C1orf21: variants seen among roughly 807,000 people sequenced by gnomAD.
The protein encoded by C1orf21 is chromosome 1 open reading frame 21.
A neutral mutation model predicts 18.7 loss-of-function variants in C1orf21; 3 were observed. The observed-to-expected ratio is 0.16, with a 90% confidence interval of 0.07 to 0.42. The LOEUF (loss-of-function observed/expected upper bound fraction) is 0.42, where lower values mean the gene tolerates loss of function less well. Among genes scored for constraint, C1orf21 ranks in the 10% least tolerant of loss-of-function variants. The probability of loss-of-function intolerance (pLI) is 0.99; values close to 1 mark genes in which losing one functional copy is unlikely to be tolerated. For missense variants in C1orf21, 104 were observed against 143.6 expected (o/e 0.72, Z 1.41); for synonymous variants, 41 against 46.4 (o/e 0.88, Z 0.47).
chr1:184,412,611 T>C (rs1461759277), intron 1 of C1orf21, among the ~76,000 whole-genome samples: 2 of 151,958 alleles, frequency 1.3e-5, no homozygotes, highest in East Asian at 3.9e-4. Flanking sequence ...GATTCTGTTA[T>C]AGCCTGGGCA....
At chr1:184,494,814 C>G (rs1437619317) in intron 2 of C1orf21, among the ~76,000 whole-genome samples, 1 of 149,094 alleles carries the variant, frequency 6.7e-6, no homozygotes, top group Non-Finnish European at 1.5e-5. Context: ...TTAATAGGGT[C>G]AAAATTCTAC....
chr1:184,428,887 T>C lies in C1orf21; in HGVS notation c.-125+41519T>C, dbSNP rs145865976. Among the ~76,000 whole-genome samples, 8 of 152,258 alleles carry C rather than the reference T, an allele frequency of 5.3e-5. No individual in the cohort carries two copies. The East Asian group carries it at 1.5e-3, about 29-fold the overall frequency. On this transcript the variant is annotated intron_variant, in intron 1 of 5. Coordinates refer to ENST00000235307, the MANE Select transcript of C1orf21 (RefSeq NM_030806.4). Reference sequence around the variant, plus strand: ...GGGAGTGATGACATCTCTGCATTGCTATTAAGGACTTGCCAAATAAAAGGA... The same window carrying C: ...GGGAGTGATGACATCTCTGCATTGCCATTAAGGACTTGCCAAATAAAAGGA...
intron 2 of C1orf21, among the ~76,000 whole-genome samples, chr1:184,502,737 T>A (rs1393505168): frequency 6.6e-6 from 1 of 152,140 alleles, no homozygotes; most frequent in East Asian, 1.9e-4. Flanking sequence ...CTTAAAGACA[T>A]AATTTTCCTG....
rs746110303 is a variant in C1orf21, at chr1:184,477,557, G to A, written c.48G>A (p.Glu16=). 6.2e-7 allele frequency: 1 copy of A among 1,613,998 alleles called. No homozygotes were observed. The highest frequency in any genetic ancestry group is 8.5e-7 in the Non-Finnish European group (1 of 1,179,920). The stretch of plus-strand genomic sequence containing the variant: ...ATGTTGCCACTGTTCAAAATGAAGA[G>A]GAAGCCCAGAAAGGGAAAAACTACC... ...AKHVATVQNE[E]EAQKGKNYQN... Residue 16 remains glutamate, a synonymous_variant, in exon 2 of 6, where the codon GAG becomes GAA. Transcript: ENST00000235307.
chr1:184,490,929 G>GAA (rs199789528), intron 2 of C1orf21, among the ~76,000 whole-genome samples: 1 of 141,700 alleles, frequency 7.1e-6, no homozygotes. Context: ...GAAGTTTTGT[G>GAA]AAAAAAAAAA....
chr1:184,554,255 A>G (rs1284866020), intron 3 of C1orf21, among the ~76,000 whole-genome samples: 1 of 152,150 alleles, frequency 6.6e-6, no homozygotes, highest in Non-Finnish European at 1.5e-5. Flanking sequence ...ATATAGTTTG[A>G]ATGTATTTGA....
At chr1:184,558,953 G>A (rs1460204713) in intron 3 of C1orf21, among the ~76,000 whole-genome samples, 1 of 152,178 alleles carries the variant, frequency 6.6e-6, no homozygotes, top group Non-Finnish European at 1.5e-5. Context: ...AGACTGACAA[G>A]GTATGAGTCC....
intron 3 of C1orf21, among the ~76,000 whole-genome samples, chr1:184,572,265 A>G (rs1362168599): frequency 6.6e-6 from 1 of 152,250 alleles, no homozygotes; most frequent in East Asian, 1.9e-4. Context: ...GTAAGGAACA[A>G]ATTAAGCATG....
chr1:184,494,794 G>C (rs1191708499), intron 2 of C1orf21, among the ~76,000 whole-genome samples: 1 of 151,728 alleles, frequency 6.6e-6, no homozygotes, highest in East Asian at 1.9e-4. Context: ...TTAAGATGGG[G>C]CTGTAAGGAT....
chr1:184,404,737 G>A (rs1042684345), intron 1 of C1orf21, among the ~76,000 whole-genome samples: 6 of 152,162 alleles, frequency 3.9e-5, no homozygotes, highest in African/African-American at 1.4e-4. Context: ...ATAGATTGTG[G>A]CAGTTCTTCA....
At position 184,593,097 on chromosome 1, in the gene C1orf21, A is replaced by C. The variant is rs1659462800; in HGVS notation, c.266+2282A>C. On this transcript the variant is annotated intron_variant, in intron 4 of 5. Coordinates refer to ENST00000235307, the MANE Select transcript of C1orf21 (RefSeq NM_030806.4). ...CAGGATGTCTGAAAAATGCTATTTT[A>C]AAATGCTTCCCTTATCTCAGAGTTA... Among the ~76,000 whole-genome samples, 3 of 152,210 alleles carry C rather than the reference A, an allele frequency of 2.0e-5. No individual in the cohort carries two copies. In the South Asian group the frequency reaches 6.2e-4, roughly 31 times the overall value.
chr1:184,487,361 A>T (rs536140192), intron 2 of C1orf21, among the ~76,000 whole-genome samples: 207 of 152,326 alleles, frequency 1.4e-3, no homozygotes, highest in Middle Eastern at 3.4e-3. Context: ...GAACCGTTAC[A>T]ACTTGGATTT....
intron 3 of C1orf21, among the ~76,000 whole-genome samples, chr1:184,579,053 T>C (rs1238847720): frequency 6.6e-6 from 1 of 151,532 alleles, no homozygotes; most frequent in Non-Finnish European, 1.5e-5. Context: ...GTTCTTTTTT[T>C]TTTTGAGACA....
chr1:184,460,614 GTCGTCGTCTTCT>G lies in C1orf21; in HGVS notation c.-124-16769_-124-16758del, dbSNP rs1180486709. Among the ~76,000 whole-genome samples the G allele has an allele frequency of 3.8e-3, 478 of 127,188 alleles. 2 individuals are homozygous for G. Among genetic ancestry groups the G allele is most frequent in the African/African-American group, 0.013 (351 of 26,964 alleles). The allele number at this position is 127,188 out of a possible 152,430, so 83.4% of individuals were successfully genotyped here. On this transcript the variant is annotated intron_variant, in intron 1 of 5. Transcript: ENST00000235307. ...CTGGAGTTGGGCTGTTAGTATTGTCGTCGTCGTCTTCTTCTTCTTCTTCTTCTTCTTCTTCTT... is the reference window on the plus strand; with the variant it reads ...CTGGAGTTGGGCTGTTAGTATTGTCGTCTTCTTCTTCTTCTTCTTCTTCTT...
At chr1:184,511,831 G>C (rs1461259077) in intron 3 of C1orf21, among the ~76,000 whole-genome samples, 1 of 152,060 alleles carries the variant, frequency 6.6e-6, no homozygotes, top group Non-Finnish European at 1.5e-5. Context: ...ATAGTGAAGG[G>C]GAGAAGAGCC....
At chr1:184,464,002 G>GACT (rs1657348345) in intron 1 of C1orf21, among the ~76,000 whole-genome samples, 1 of 152,190 alleles carries the variant, frequency 6.6e-6, no homozygotes, top group Non-Finnish European at 1.5e-5. Context: ...TTAAGAGGAA[G>GACT]ACTAAGCAGA....
At chr1:184,463,013 C>T (rs1232400448) in intron 1 of C1orf21, among the ~76,000 whole-genome samples, 4 of 141,594 alleles carry the variant, frequency 2.8e-5, no homozygotes, top group African/African-American at 1.1e-4. Flanking sequence ...ACCTAGGAGG[C>T]GGAGGTTGCA....
At chr1:184,474,132 A>C (rs1260469002) in intron 1 of C1orf21, among the ~76,000 whole-genome samples, 2 of 152,242 alleles carry the variant, frequency 1.3e-5, no homozygotes, top group Non-Finnish European at 2.9e-5. Flanking sequence ...GTAAATTACT[A>C]AAATATATTC....
At chr1:184,439,973 A>G (rs924215430) in intron 1 of C1orf21, among the ~76,000 whole-genome samples, 4 of 152,178 alleles carry the variant, frequency 2.6e-5, no homozygotes, top group African/African-American at 9.7e-5. Context: ...TAGCCAATAA[A>G]TTTTTCCAAA....
Sources: gnomAD v4.1 joint callset for allele counts (sites outside exome capture counted in the v4.1 genomes callset) on GRCh38, gnomAD v4.1.1 for gene constraint, MANE v1.5 for transcripts, NCBI Gene and HGNC (gene_info 2026-07-23, HGNC 2026-07-21) for gene names.